Variants in ZNG1B observed in about 807,000 individuals in gnomAD.
The protein encoded by ZNG1B is zinc-regulated GTPase metalloprotein activator 1B.
the ZNG1B span, among the ~76,000 whole-genome samples, chr2:113,440,982 AT>A: frequency 6.8e-6 from 1 of 146,704 alleles, no homozygotes; most frequent in African/African-American, 2.5e-5. Context: ...AAAAACTTTT[AT>A]AGATTGTTTA....
the ZNG1B span, chr2:113,495,834 G>A: frequency 6.0e-5 from 32 of 532,150 alleles, 6 homozygotes; most frequent in South Asian, 1.1e-4. Flanking sequence ...CTTTAGTTAC[G>A]AATTCCAATA....
At chr2:113,472,797 G>A in the ZNG1B span, among the ~76,000 whole-genome samples, 1 of 151,848 alleles carries the variant, frequency 6.6e-6, no homozygotes, top group Non-Finnish European at 1.5e-5. Context: ...GATAGTTGTA[G>A]ATATGCGGCG....
chr2:113,438,913 A>C, the ZNG1B span: 2 of 1,507,618 alleles, frequency 1.3e-6, no homozygotes, highest in South Asian at 2.5e-5. Context: ...AAAAATAAGA[A>C]ATAACTGCTT....
At chr2:113,468,068 C>T in the ZNG1B span, among the ~76,000 whole-genome samples, 1 of 151,836 alleles carries the variant, frequency 6.6e-6, no homozygotes, top group Non-Finnish European at 1.5e-5. Context: ...GGAGGAGCAA[C>T]AGGTCGGGTA....
At chr2:113,492,563 G>A in the ZNG1B span, among the ~76,000 whole-genome samples, 1 of 59,104 alleles carries the variant, frequency 1.7e-5, no homozygotes, top group Non-Finnish European at 3.3e-5. Context: ...CAGGTGATGG[G>A]TGTACCAAAA....
the ZNG1B span, among the ~76,000 whole-genome samples, chr2:113,461,071 A>AT: frequency 1.4e-5 from 2 of 147,716 alleles, no homozygotes; most frequent in Non-Finnish European, 3.0e-5. Flanking sequence ...TATTATTATT[A>AT]TTTTTTGAGA....
the ZNG1B span, chr2:113,469,559 G>GCTT: frequency 6.9e-5 from 10 of 145,880 alleles, no homozygotes; most frequent in South Asian, 4.6e-4. Context: ...TAGAACATTT[G>GCTT]CTTCTTTGCT....
chr2:113,488,211 A>G, the ZNG1B span, among the ~76,000 whole-genome samples: 2 of 152,166 alleles, frequency 1.3e-5, no homozygotes, highest in African/African-American at 4.8e-5. Flanking sequence ...ACTACCCCCC[A>G]GTACCAGCCT....
the ZNG1B span, among the ~76,000 whole-genome samples, chr2:113,483,301 A>G: frequency 6.6e-6 from 1 of 151,246 alleles, no homozygotes; most frequent in African/African-American, 2.4e-5. Context: ...CCTCGAATGA[A>G]CCTCTATTGT....
At chr2:113,439,839 T>G in the ZNG1B span, among the ~76,000 whole-genome samples, 1 of 151,638 alleles carries the variant, frequency 6.6e-6, no homozygotes, top group Non-Finnish European at 1.5e-5. Flanking sequence ...TGCCTCCTTA[T>G]TCACTGAATT....
the ZNG1B span, among the ~76,000 whole-genome samples, chr2:113,483,467 G>T: frequency 3.3e-5 from 5 of 149,788 alleles, no homozygotes; most frequent in Admixed American, 2.0e-4. Context: ...TCTCAAATGG[G>T]GCATAAATCA....
At chr2:113,477,374 G>T in the ZNG1B span, among the ~76,000 whole-genome samples, 4 of 152,038 alleles carry the variant, frequency 2.6e-5, no homozygotes, top group African/African-American at 9.7e-5. Flanking sequence ...GCCCTGCTTC[G>T]GCTCGCGGAT....
At chr2:113,442,095 T>C in the ZNG1B span, among the ~76,000 whole-genome samples, 2 of 152,206 alleles carry the variant, frequency 1.3e-5, no homozygotes, top group Non-Finnish European at 2.9e-5. Context: ...CTATTGCAAC[T>C]CATGAAAAAT....
chr2:113,465,405 G>T, the ZNG1B span, among the ~76,000 whole-genome samples: 23 of 152,220 alleles, frequency 1.5e-4, no homozygotes, highest in Non-Finnish European at 2.4e-4. Context: ...ATAACACTGT[G>T]TAAGTGTTTG....
At chr2:113,478,756 T>C in the ZNG1B span, among the ~76,000 whole-genome samples, 3 of 151,536 alleles carry the variant, frequency 2.0e-5, no homozygotes, top group Middle Eastern at 3.4e-3. Context: ...TTTTACTTTA[T>C]GAATTGGAAA....
the ZNG1B span, among the ~76,000 whole-genome samples, chr2:113,440,013 T>C: frequency 3.4e-5 from 5 of 148,684 alleles, no homozygotes; most frequent in African/African-American, 1.2e-4. Context: ...GCCTCCCAAG[T>C]AGCTGGGACT....
chr2:113,487,884 ACTTCT>A, the ZNG1B span, among the ~76,000 whole-genome samples: 4 of 151,632 alleles, frequency 2.6e-5, no homozygotes, highest in Admixed American at 6.6e-5. Context: ...GTCTGCTTGT[ACTTCT>A]CTTATCAAGC....
the ZNG1B span, chr2:113,468,477 A>G: frequency 2.1e-5 from 3 of 144,664 alleles, no homozygotes; most frequent in African/African-American, 5.4e-5. Context: ...CTCTCTTTTA[A>G]GAAAAGCATT....
chr2:113,459,542 TA>T, the ZNG1B span, among the ~76,000 whole-genome samples: 17,540 of 148,456 alleles, frequency 0.12, 968 homozygotes, highest in Non-Finnish European at 0.13. Context: ...TGTGTTCAAT[TA>T]AAAAAAAAAG....
Sources: allele counts gnomAD v4.1 joint callset (sites outside exome capture counted in the v4.1 genomes callset), GRCh38; gene constraint gnomAD v4.1.1; transcripts MANE v1.5; gene names NCBI Gene and HGNC (gene_info 2026-07-23, HGNC 2026-07-21).